RAB6A: variants seen among roughly 807,000 people sequenced by gnomAD.
RAB6A encodes the protein ras-related protein Rab-6A.
RAB6A carries 8 observed loss-of-function variants against 32.3 expected under a neutral mutation model. The observed-to-expected ratio is 0.25, with a 90% confidence interval of 0.15 to 0.45. The LOEUF is 0.45. Among genes scored for constraint, RAB6A ranks in the 20% least tolerant of loss-of-function variants. The pLI is 1.00. For synonymous variants in RAB6A, 73 were observed against 82.1 expected (o/e 0.89, Z 0.60); for missense variants, 104 against 249.4 (o/e 0.42, Z 3.93).
chr11:73,760,518 C>T (rs754093776), intron 1 of RAB6A, 48 bp downstream of exon 1: 1 of 1,556,896 alleles, frequency 6.4e-7, no homozygotes, highest in South Asian at 1.2e-5. Context: ...GGGGGCGGTG[C>T]GGGGACGCTG....
In RAB6A at chr11:73,677,247, A is replaced by G. The variant is rs2134853674; in HGVS notation, c.*651T>C. On this transcript the variant is annotated 3_prime_UTR_variant, in exon 8 of 8. Transcript: ENST00000336083. ...TTAGGACTCATTTTGAAGATGCACC[A>G]GGAGCCTTTTCTCATTCAAGCACTG... The G allele has an allele frequency of 6.0e-6, 1 of 167,678 alleles. No individual in the cohort carries two copies. The highest frequency in any genetic ancestry group is 2.1e-4 in the South Asian group (1 of 4,848). The allele number at this position is 167,678 out of a possible 1,614,324, so 10.4% of individuals were successfully genotyped here.
chr11:73,715,566 A>C (rs758363689), intron 5 of RAB6A, among the ~76,000 whole-genome samples: 6 of 152,228 alleles, frequency 3.9e-5, no homozygotes, highest in Non-Finnish European at 5.9e-5. Flanking sequence ...CTCATGAATA[A>C]ACAAATAAAT....
rs142644244 is a variant in RAB6A at position 73,749,193 on chromosome 11, G to A, written c.70+11373C>T. ...CTACTACTCAGCCATAAAAAGGAAC[G>A]AAGTAATGGCATTCGCAGCAACTTG... On this transcript the variant is annotated intron_variant, in intron 1 of 7. Transcript: ENST00000336083. Among the ~76,000 whole-genome samples the A allele has an allele frequency of 1.4e-4, 21 of 152,272 alleles. No individual in the cohort carries two copies. The East Asian group carries it at 1.7e-3, about 13-fold the overall frequency.
Position 73,739,263 on chromosome 11 carries a change from T to TTAAAAAAAAAAAAAA in RAB6A, c.71-8441_71-8440insTTTTTTTTTTTTTTA, listed in dbSNP as rs1555066890. Among the ~76,000 whole-genome samples, 12 of 9,386 alleles carry TTAAAAAAAAAAAAAA rather than the reference T, an allele frequency of 1.3e-3. 2 individuals are homozygous for TTAAAAAAAAAAAAAA. The highest frequency in any genetic ancestry group is 4.5e-3 in the Admixed American group (2 of 442). 6.2% of individuals were successfully genotyped at this position (9,386 alleles called of 152,430 possible). On this transcript the variant is annotated intron_variant, in intron 1 of 7. Transcript: ENST00000336083. The stretch of plus-strand genomic sequence containing the variant: ...GCAAAAAAAAAATAGTAATAATAAT[T>TTAAAAAAAAAAAAAA]AAAAAAAAAAAAAAAAAAAAAATAT...
At chr11:73,743,721 G>A (rs1455432092) in intron 1 of RAB6A, among the ~76,000 whole-genome samples, 1 of 152,102 alleles carries the variant, frequency 6.6e-6, no homozygotes, top group Non-Finnish European at 1.5e-5. Flanking sequence ...ATTACAGAAG[G>A]CTATTCATTA....
chr11:73,678,645 A>C (rs186946614), intron 7 of RAB6A, among the ~76,000 whole-genome samples: 1 of 151,550 alleles, frequency 6.6e-6, no homozygotes, highest in East Asian at 1.9e-4. Flanking sequence ...GCGCGGGGAC[A>C]TACTTCAACT....
intron 6 of RAB6A, among the ~76,000 whole-genome samples, chr11:73,693,129 A>G (rs1945601784): frequency 6.6e-6 from 1 of 151,938 alleles, no homozygotes. Flanking sequence ...CTCTACTAAA[A>G]ATACAAAAAT....
intron 6 of RAB6A, among the ~76,000 whole-genome samples, chr11:73,697,873 T>G (rs1191434431): frequency 6.6e-6 from 1 of 152,274 alleles, no homozygotes; most frequent in Non-Finnish European, 1.5e-5. Context: ...ATAATTTCTC[T>G]GTCAGTTCAT....
intron 1 of RAB6A, among the ~76,000 whole-genome samples, chr11:73,758,184 T>A (rs1289156756): frequency 6.6e-6 from 1 of 152,142 alleles, no homozygotes; most frequent in East Asian, 1.9e-4. Flanking sequence ...AAAACAGAGA[T>A]CAATCTTTCA....
At chr11:73,711,749 A>G (rs1945960799) in intron 5 of RAB6A, among the ~76,000 whole-genome samples, 1 of 152,204 alleles carries the variant, frequency 6.6e-6, no homozygotes, top group Non-Finnish European at 1.5e-5. Flanking sequence ...TCAGTAATTT[A>G]TGAGAGTAAC....
rs1399742792 is a variant in RAB6A, at chr11:73,737,116, T to C, written c.71-6293A>G. Among the ~76,000 whole-genome samples the C allele has an allele frequency of 2.0e-5, 3 of 152,026 alleles. No homozygotes were observed. In the East Asian group the frequency reaches 5.8e-4, roughly 29 times the overall value. On this transcript the variant is annotated intron_variant, in intron 1 of 7. Coordinates refer to ENST00000336083, the MANE Select transcript of RAB6A (RefSeq NM_198896.2). ...TGAAACTGAACAAGAAATTTACAAC[T>C]AAAAGATATCCAGAAAATGTTGAAA...
At chr11:73,686,068 A>G (rs1945450913) in intron 6 of RAB6A, among the ~76,000 whole-genome samples, 1 of 152,150 alleles carries the variant, frequency 6.6e-6, no homozygotes, top group South Asian at 2.1e-4. Context: ...TGCTTTAAAA[A>G]GGAACTATAA....
chr11:73,757,118 TATATATATATA>T (rs1481478837), intron 1 of RAB6A, among the ~76,000 whole-genome samples: 6 of 49,146 alleles, frequency 1.2e-4, no homozygotes, highest in South Asian at 5.4e-4. Context: ...TATATATATA[TATATATATATA>T]TTTTTTTTTT....
intron 5 of RAB6A, among the ~76,000 whole-genome samples, chr11:73,711,845 T>C (rs971364982): frequency 3.9e-5 from 6 of 152,214 alleles, no homozygotes; most frequent in Non-Finnish European, 8.8e-5. Flanking sequence ...TATTTCTCAG[T>C]GCAGTTTCAA....
At chr11:73,731,437 G>A (rs1347067057) in intron 1 of RAB6A, among the ~76,000 whole-genome samples, 1 of 150,634 alleles carries the variant, frequency 6.6e-6, no homozygotes, top group Non-Finnish European at 1.5e-5. Flanking sequence ...CCAGCTACTC[G>A]GAAGGCTGAG....
intron 1 of RAB6A, among the ~76,000 whole-genome samples, chr11:73,740,646 T>TG (rs1373204605): frequency 5.3e-5 from 8 of 151,552 alleles, no homozygotes; most frequent in Non-Finnish European, 1.0e-4. Flanking sequence ...CCCAGCACTT[T>TG]GGGAGGCCAA....
At chr11:73,741,293 C>T (rs772568805) in intron 1 of RAB6A, among the ~76,000 whole-genome samples, 2 of 152,024 alleles carry the variant, frequency 1.3e-5, no homozygotes, top group African/African-American at 2.4e-5. Context: ...CATGCCACCA[C>T]GCCTGGCTAA....
chr11:73,703,500 G>C (rs565486599), intron 6 of RAB6A, among the ~76,000 whole-genome samples: 1 of 152,322 alleles, frequency 6.6e-6, no homozygotes, highest in Non-Finnish European at 1.5e-5. Flanking sequence ...TCAGCACTTT[G>C]AAAGGCTGAG....
At chr11:73,739,113 C>T (rs1026082307) in intron 1 of RAB6A, among the ~76,000 whole-genome samples, 2 of 149,142 alleles carry the variant, frequency 1.3e-5, no homozygotes, top group African/African-American at 4.9e-5. Flanking sequence ...ACTAAAAATA[C>T]AAAAATTAGG....
Sources: allele counts gnomAD v4.1 joint callset (sites outside exome capture counted in the v4.1 genomes callset), GRCh38; gene constraint gnomAD v4.1.1; transcripts MANE v1.5; gene names NCBI Gene and HGNC (gene_info 2026-07-23, HGNC 2026-07-21).